The following SIRT2 variants were observed in gnomAD, a reference collection of about 807,000 sequenced individuals.
SIRT2 encodes the protein NAD-dependent protein deacetylase sirtuin-2.
In SIRT2, 40 loss-of-function variants were observed where a neutral mutation model predicts 57.4. The ratio of observed to expected loss-of-function variants is 0.70; its 90% CI spans 0.54 to 0.91. The LOEUF is 0.91. Ranked by LOEUF, SIRT2 falls within the 40% of genes least tolerant of loss-of-function variation. The pLI is 0.00. For missense variants in SIRT2, 439 were observed against 510.4 expected (o/e 0.86, Z 1.35); for synonymous variants, 161 against 195.7 (o/e 0.82, Z 1.48).
chr19:38,896,733 G>T (rs543710865), intron 2 of SIRT2, among the ~76,000 whole-genome samples: 2 of 152,346 alleles, frequency 1.3e-5, no homozygotes, highest in Non-Finnish European at 2.9e-5. Context: ...AGCCAGGCGA[G>T]TGAGTTGCCA....
chr19:38,888,940 C>A, intron 8 of SIRT2, 147 bp downstream of exon 8: 1 of 676,344 alleles, frequency 1.5e-6, no homozygotes, highest in South Asian at 1.7e-5. Flanking sequence ...GCAGGTCATG[C>A]AGCAAGGAGG....
chr19:38,883,988 C>T (rs999044230), intron 8 of SIRT2, among the ~76,000 whole-genome samples: 2 of 152,044 alleles, frequency 1.3e-5, no homozygotes, highest in Admixed American at 1.3e-4. Context: ...CCAGGCTGGG[C>T]ATGGCGGCTC....
At chr19:38,879,797 T>A in intron 13 of SIRT2, 95 bp from the exon 14 acceptor site, 2 of 845,974 alleles carry the variant, frequency 2.4e-6, no homozygotes, top group Non-Finnish European at 3.7e-6. Flanking sequence ...GTATCCTAGC[T>A]CTGTGACTTT....
At chr19:38,882,217 G>A (rs967664330) in intron 9 of SIRT2, among the ~76,000 whole-genome samples, 1 of 151,908 alleles carries the variant, frequency 6.6e-6, no homozygotes, top group Non-Finnish European at 1.5e-5. Flanking sequence ...ATCTCCCTAT[G>A]TTGCCCAGGC....
Position 38,878,864 on chromosome 19 carries a change from C to A in SIRT2, c.*291G>T, listed in dbSNP as rs1227905046. On this transcript the variant is annotated 3_prime_UTR_variant, in exon 16 of 16. Transcript: ENST00000249396. ...GTTAAAAGTTCTGGGGTAGCCCTGG[C>A]CCCGTGGGGGCAGTTAGAGATGAGG... is the stretch of plus-strand genomic sequence containing the variant. The A allele has an allele frequency of 5.7e-6, 2 of 348,640 alleles. No individual in the cohort carries two copies. The highest frequency in any genetic ancestry group is 4.9e-5 in the Admixed American group (1 of 20,264). 21.6% of individuals were successfully genotyped at this position (348,640 alleles called of 1,614,324 possible). A position where few individuals can be genotyped will look rare whatever the true frequency, so the allele number is the denominator to read the frequency against.
intron 7 of SIRT2, 24 bp downstream of exon 7, chr19:38,889,664 GC>G (rs1411012517): frequency 3.7e-6 from 6 of 1,612,842 alleles, no homozygotes; most frequent in Non-Finnish European, 5.1e-6. Flanking sequence ...TTCCTGTTTC[GC>G]CCCCTGCAAA....
Position 38,879,222 on chromosome 19 carries a change from G to C in SIRT2, c.1103C>G (p.Ser368Cys). 2.5e-6 allele frequency: 4 copies of C among 1,594,726 alleles called. No homozygotes were observed. Among genetic ancestry groups the C allele is most frequent in the Non-Finnish European group, 3.4e-6 (4 of 1,174,842 alleles). The change falls in exon 16 of 16, where the codon TCC becomes TGC. Residue 368 changes from serine (S) to cysteine (C), a missense_variant. Transcript: ENST00000249396. ...GGCAGGTGGCGGGGACTTCTTGGGG[G>C]AAGCTGAAGTGCTGGGGTTGGGGAC... is the stretch of plus-strand genomic sequence containing the variant. ...AGVPNPSTSA[S>C]PKKSPPPAKD...
intron 7 of SIRT2, 56 bp from the exon 8 acceptor site, chr19:38,889,211 T>C (rs1973441406): frequency 1.3e-6 from 2 of 1,512,414 alleles, no homozygotes; most frequent in African/African-American, 2.7e-5. Flanking sequence ...CACAGGCCAC[T>C]GCCGCATGCC....
chr19:38,886,930 T>C (rs1449776407), intron 8 of SIRT2, among the ~76,000 whole-genome samples: 1 of 151,776 alleles, frequency 6.6e-6, no homozygotes, highest in African/African-American at 2.4e-5. Flanking sequence ...AGTTTGTATG[T>C]GATGTGTCAT....
At chr19:38,883,793 G>A in intron 8 of SIRT2, 37 bp from the exon 9 acceptor site, 4 of 1,609,390 alleles carry the variant, frequency 2.5e-6, no homozygotes, top group Non-Finnish European at 3.4e-6. Flanking sequence ...GGTGAGGAGT[G>A]AGCCACCCCT....
chr19:38,891,505 C>T (rs184374427), intron 4 of SIRT2, among the ~76,000 whole-genome samples: 387 of 152,066 alleles, frequency 2.5e-3, no homozygotes, highest in African/African-American at 8.9e-3. Flanking sequence ...GCCATGATAG[C>T]GCCACTGCAC....
At position 38,881,136 on chromosome 19, in the gene SIRT2, C is replaced by G; in HGVS notation, c.711G>C (p.Glu237Asp). The G allele has an allele frequency of 1.2e-6, 2 of 1,613,126 alleles. No homozygotes were observed. Among genetic ancestry groups the G allele is most frequent in the South Asian group, 1.1e-5 (1 of 90,832 alleles). The change falls in exon 11 of 16, where the codon GAG (glutamate) becomes GAC (aspartate). Residue 237 changes from glutamate to aspartate, a missense_variant. Coordinates refer to ENST00000249396, the MANE Select transcript of SIRT2 (RefSeq NM_012237.4). ...AGGAGAAGAAACGCGCTGGGAGGCT[C>G]TCACCAAAAAAGACGATATCTGAGG... ...LVKPDIVFFG[E>D]SLPARFFSCM...
intron 2 of SIRT2, 71 bp downstream of exon 2, chr19:38,898,308 C>T: frequency 4.1e-6 from 5 of 1,225,102 alleles, no homozygotes; most frequent in Non-Finnish European, 5.5e-6. Flanking sequence ...TCCCCTTTGC[C>T]ACCTCCCCCC....
At chr19:38,892,767 G>A (rs899833031) in intron 4 of SIRT2, among the ~76,000 whole-genome samples, 3 of 151,598 alleles carry the variant, frequency 2.0e-5, no homozygotes, top group Non-Finnish European at 2.9e-5. Context: ...AGATGGCGGG[G>A]GGGTCTCACT....
rs916162179 is a variant in SIRT2, at chr19:38,890,047, T to C, written c.268+56A>G. ...CTCAGATAGGGCTCCTCCCCAGCCC[T>C]TGGGAGGGACTCCCCAGTTCCTGGG... On this transcript the variant is annotated intron_variant, in intron 5 of 15. Transcript: ENST00000249396. The C allele has an allele frequency of 4.2e-5, 67 of 1,612,384 alleles. No homozygotes were observed. The African/African-American group carries it at 5.7e-4, about 14-fold the overall frequency.
intron 8 of SIRT2, among the ~76,000 whole-genome samples, chr19:38,887,719 C>T (rs772664056): frequency 5.9e-5 from 9 of 152,086 alleles, no homozygotes; most frequent in Non-Finnish European, 1.2e-4. Context: ...AACACTAGAA[C>T]ACTTATTTAT....
chr19:38,884,562 C>T (rs1442764828), intron 8 of SIRT2, among the ~76,000 whole-genome samples: 1 of 152,104 alleles, frequency 6.6e-6, no homozygotes, highest in Non-Finnish European at 1.5e-5. Flanking sequence ...GATTTTCCTG[C>T]CTCAGTCTCC....
chr19:38,890,504 A>C, intron 4 of SIRT2: 1 of 275,246 alleles, frequency 3.6e-6, no homozygotes, highest in South Asian at 4.4e-5. Flanking sequence ...CAGCCTGGCC[A>C]ACATGGCAAA....
Position 38,884,760 on chromosome 19 carries a change from T to C in SIRT2, c.502-1004A>G, listed in dbSNP as rs116456422. On this transcript the variant is annotated intron_variant, in intron 8 of 15. Transcript: ENST00000249396. ...CTGTGCCTAGCCATGTTTTTTTATG[T>C]ATTTGAGACAAGGTCTCACTCTGTC... Among the ~76,000 whole-genome samples, 879 of 152,140 alleles carry C rather than the reference T, an allele frequency of 5.8e-3. 6 individuals are homozygous for C. The highest frequency in any genetic ancestry group is 0.02 in the African/African-American group (849 of 41,498).
Sources: gnomAD v4.1 joint callset for allele counts (sites outside exome capture counted in the v4.1 genomes callset) on GRCh38, gnomAD v4.1.1 for gene constraint, MANE v1.5 for transcripts, NCBI Gene and HGNC (gene_info 2026-07-23, HGNC 2026-07-21) for gene names.